Variants in NCR3LG1 observed in about 807,000 individuals in gnomAD.
NCR3LG1 encodes natural cytotoxicity triggering receptor 3 ligand 1.
In NCR3LG1, 35 loss-of-function variants were observed where a neutral mutation model predicts 34.8. That is an observed-to-expected ratio of 1.01 (90% CI 0.77 to 1.33). The LOEUF (loss-of-function observed/expected upper bound fraction) is 1.33. Ranked by LOEUF, NCR3LG1 falls within the 40% of genes most tolerant of loss-of-function variation. NCR3LG1 has a pLI of 0.00. For missense variants in NCR3LG1, 452 were observed against 423.3 expected, an observed-to-expected ratio of 1.07 and a Z score of -0.60; for synonymous variants, 173 against 163.6, an observed-to-expected ratio of 1.06 and a Z score of -0.44.
At chr11:17,352,065 G>T in intron 1 of NCR3LG1, 26 bp downstream of exon 1, 2 of 1,448,428 alleles carry the variant, frequency 1.4e-6, no homozygotes, top group Admixed American at 2.3e-5. Flanking sequence ...GGTGGGCTGG[G>T]GCGGGGGCTC....
intron 3 of NCR3LG1, among the ~76,000 whole-genome samples, chr11:17,368,101 A>G (rs1471074132): frequency 1.3e-5 from 2 of 152,064 alleles, no homozygotes; most frequent in Non-Finnish European, 2.9e-5. Context: ...TACAGGTATG[A>G]GCCACAGCAC....
intron 1 of NCR3LG1, 81 bp from the exon 2 acceptor site, chr11:17,356,570 T>G: frequency 9.6e-7 from 1 of 1,039,442 alleles, no homozygotes; most frequent in Non-Finnish European, 1.4e-6. Flanking sequence ...TTTGGAGGAC[T>G]CAAGCATTCA....
chr11:17,351,975 G>T lies in NCR3LG1; in HGVS notation c.6G>T (p.Thr2=), dbSNP rs1465493060. The T allele has an allele frequency of 2.0e-6, 3 of 1,528,650 alleles. No individual in the cohort carries two copies. In the East Asian group the frequency reaches 7.5e-5, roughly 38 times the overall value. 94.7% of individuals were successfully genotyped at this position (1,528,650 alleles called of 1,614,324 possible). M[T]WRAAASTCAA... ...ACACAACAGCAGCCGCGGCGATGAC[G>T]TGGAGGGCTGCCGCCTCCACGTGCG... is the stretch of plus-strand genomic sequence containing the variant. The change falls in exon 1 of 5, where the codon ACG becomes ACT. Residue 2 remains threonine, a synonymous_variant. Coordinates refer to ENST00000338965, the MANE Select transcript of NCR3LG1 (RefSeq NM_001202439.3).
chr11:17,381,445 A>G (rs1008515273), downstream of NCR3LG1: 4 of 152,718 alleles, frequency 2.6e-5, no homozygotes, highest in East Asian at 5.8e-4. Context: ...GGATGGAACT[A>G]TGGAATGATT....
At chr11:17,359,497 A>G (rs1177969027) in intron 2 of NCR3LG1, among the ~76,000 whole-genome samples, 3 of 144,486 alleles carry the variant, frequency 2.1e-5, no homozygotes, top group African/African-American at 7.8e-5. Flanking sequence ...CTTTTTGGCA[A>G]TTCCTTTTTT....
At chr11:17,356,059 T>G (rs138962842) in intron 1 of NCR3LG1, among the ~76,000 whole-genome samples, 6 of 152,072 alleles carry the variant, frequency 3.9e-5, no homozygotes, top group Non-Finnish European at 7.4e-5. Context: ...CCTCAGACTC[T>G]GGGAGTGCTG....
In NCR3LG1 at chr11:17,356,973, A is replaced by T; in HGVS notation, c.393A>T (p.Ala131=). The change falls in exon 2 of 5, where the codon GCA becomes GCT. Residue 131 remains alanine (A), a synonymous_variant. Transcript: ENST00000338965. ...AGGTGGTGGTCACCCCTCTGAAGGC[A>T]CAGGGAACAGTCCAGCTTGAAGTTG... ...RCEVVVTPLK[A]QGTVQLEVVA... is the part of the protein sequence containing the mutation. The T allele has an allele frequency of 6.5e-7, 1 of 1,532,690 alleles. No homozygotes were observed. Among genetic ancestry groups the T allele is most frequent in the Non-Finnish European group, 8.7e-7 (1 of 1,144,844 alleles). The allele number at this position is 1,532,690 out of a possible 1,614,324, so 94.9% of individuals were successfully genotyped here.
In NCR3LG1 at chr11:17,374,229, GGTTCACA is replaced by G. The variant is rs1415663143; in HGVS notation, c.*1722_*1728del. 1 of 152,148 alleles carries G rather than the reference GGTTCACA, an allele frequency of 6.6e-6. No homozygotes were observed. The highest frequency in any genetic ancestry group is 6.5e-5 in the Admixed American group (1 of 15,274). The allele number at this position is 152,148 out of a possible 1,614,324, so 9.4% of individuals were successfully genotyped here. A position where few individuals can be genotyped will look rare whatever the true frequency, so the allele number is the denominator to read the frequency against. On this transcript the variant is annotated 3_prime_UTR_variant, in exon 5 of 5. Transcript: ENST00000338965. ...ACTCAAATATCCAAGGGAACTAAAT[GGTTCACA>G]GTTCTGGGCCTAAAGGATGCCTTTT...
chr11:17,372,551 C>T lies in NCR3LG1; in HGVS notation c.*39C>T. 3 of 647,312 alleles carry T rather than the reference C, an allele frequency of 4.6e-6. No homozygotes were observed. Among genetic ancestry groups the T allele is most frequent in the Non-Finnish European group, 8.4e-6 (3 of 358,914 alleles). 40.1% of individuals were successfully genotyped at this position (647,312 alleles called of 1,614,324 possible). ...CTGGTGCCACTAGGGTCCAAGTTCC[C>T]TTTTCATTACAGGACCTTGGGCAAA... On this transcript the variant is annotated 3_prime_UTR_variant, in exon 5 of 5. Coordinates refer to ENST00000338965, the MANE Select transcript of NCR3LG1 (RefSeq NM_001202439.3).
rs1953142780 is a variant in NCR3LG1, at chr11:17,352,088, G to A, written c.70+49G>A. 3.8e-6 allele frequency: 5 copies of A among 1,325,636 alleles called. No individual in the cohort carries two copies. The African/African-American group carries it at 4.6e-5, about 12-fold the overall frequency. The allele number at this position is 1,325,636 out of a possible 1,614,324, so 82.1% of individuals were successfully genotyped here. Reference sequence around the variant, plus strand: ...GGGGCGGGGGCTCCTGGCGCCAGAGGGTCCTCGCGGGTCGGCTCCCTAGCA... The same window carrying A: ...GGGGCGGGGGCTCCTGGCGCCAGAGAGTCCTCGCGGGTCGGCTCCCTAGCA... On this transcript the variant is annotated intron_variant, in intron 1 of 4. Transcript: ENST00000338965.
At chr11:17,367,590 G>A (rs1190049046) in intron 3 of NCR3LG1, among the ~76,000 whole-genome samples, 2 of 152,128 alleles carry the variant, frequency 1.3e-5, no homozygotes, top group South Asian at 2.1e-4. Flanking sequence ...GTCATCAGGT[G>A]GAGCAGGGCT....
chr11:17,365,076 C>T (rs1241563762), intron 2 of NCR3LG1, among the ~76,000 whole-genome samples: 2 of 152,076 alleles, frequency 1.3e-5, no homozygotes, highest in East Asian at 3.8e-4. Flanking sequence ...CTGTGTCATA[C>T]CTGAGTCTGG....
intron 1 of NCR3LG1, among the ~76,000 whole-genome samples, chr11:17,352,461 C>T (rs1953148928): frequency 6.6e-6 from 1 of 152,086 alleles, no homozygotes; most frequent in South Asian, 2.1e-4. Context: ...AGGCGTGAGC[C>T]CCCGCGCCCG....
intron 2 of NCR3LG1, among the ~76,000 whole-genome samples, chr11:17,362,714 TTCTTTCTTTCTTTC>T (rs1953287924): frequency 2.9e-5 from 2 of 68,486 alleles, no homozygotes; most frequent in African/African-American, 1.6e-4. Context: ...CTTTCTTTCT[TTCTTTCTTTCTTTC>T]TTTCTTTCTT....
At chr11:17,370,485 C>A (rs1210900887) in intron 4 of NCR3LG1, among the ~76,000 whole-genome samples, 3 of 152,294 alleles carry the variant, frequency 2.0e-5, no homozygotes, top group African/African-American at 7.2e-5. Flanking sequence ...GAAGACTGAA[C>A]AAAACACTGG....
intron 2 of NCR3LG1, among the ~76,000 whole-genome samples, chr11:17,362,495 G>A (rs1332342419): frequency 6.6e-6 from 1 of 152,162 alleles, no homozygotes; most frequent in Non-Finnish European, 1.5e-5. Flanking sequence ...AAGTTAGAAT[G>A]TGTTCCCTCT....
chr11:17,362,800 T>TCTC (rs541537146), intron 2 of NCR3LG1, among the ~76,000 whole-genome samples: 16,365 of 98,832 alleles, frequency 0.17, 3,336 homozygotes, highest in African/African-American at 0.41. Flanking sequence ...TTCTCTCTCT[T>TCTC]TCTTTCTTTC....
downstream of NCR3LG1, chr11:17,381,400 C>CAG (rs1953512726): frequency 1.3e-5 from 2 of 152,620 alleles, no homozygotes; most frequent in Non-Finnish European, 2.9e-5. Flanking sequence ...CCCAGACAGC[C>CAG]TGCTCAAGAG....
rs1165537927 is a variant in NCR3LG1 at position 17,375,129 on chromosome 11, C to T, written c.*2617C>T. ...AATAATGTGGCAGGCTTGCTGTCCT[C>T]TAAAGCGAGTCTCTGGCTAACAGAC... On this transcript the variant is annotated 3_prime_UTR_variant, in exon 5 of 5. Coordinates refer to ENST00000338965, the MANE Select transcript of NCR3LG1 (RefSeq NM_001202439.3). 6.6e-6 allele frequency: 1 copy of T among 152,202 alleles called. No homozygotes were observed. Among genetic ancestry groups the T allele is most frequent in the Non-Finnish European group, 1.5e-5 (1 of 68,046 alleles). The allele number at this position is 152,202 out of a possible 1,614,324, so 9.4% of individuals were successfully genotyped here.
Sources: allele counts gnomAD v4.1 joint callset (sites outside exome capture counted in the v4.1 genomes callset), GRCh38; gene constraint gnomAD v4.1.1; transcripts MANE v1.5; gene names NCBI Gene and HGNC (gene_info 2026-07-23, HGNC 2026-07-21).